Variants in TENM2 observed in about 807,000 individuals in gnomAD.
The protein encoded by TENM2 is teneurin transmembrane protein 2.
TENM2 carries 52 observed loss-of-function variants against 245.2 expected under a neutral mutation model. The observed-to-expected ratio is 0.21, with a 90% CI of 0.17 to 0.27. The LOEUF is 0.27. TENM2 is among the 10% of genes least tolerant of loss of function. TENM2 has a pLI of 1.00. For missense variants in TENM2, 3,046 were observed against 3,666.8 expected (o/e 0.83, Z 4.37); for synonymous variants, 1,363 against 1,438.9 (o/e 0.95, Z 1.19).
intron 1 of TENM2, among the ~76,000 whole-genome samples, chr5:167,339,601 T>C (rs1581782076): frequency 6.6e-6 from 1 of 151,294 alleles, no homozygotes; most frequent in African/African-American, 2.4e-5. Flanking sequence ...CTTTTTCAAT[T>C]CATTTTTTTT....
chr5:167,378,223 G>T (rs1331199625), intron 2 of TENM2, among the ~76,000 whole-genome samples: 1 of 152,084 alleles, frequency 6.6e-6, no homozygotes, highest in Non-Finnish European at 1.5e-5. Context: ...TATTCAGTCT[G>T]CAAAGTCATA....
chr5:167,113,267 AG>A, the TENM2 span, among the ~76,000 whole-genome samples: 6 of 152,160 alleles, frequency 3.9e-5, no homozygotes, highest in Non-Finnish European at 8.8e-5. Flanking sequence ...TCACATGTAA[AG>A]GCAATGACAG....
At chr5:167,288,696 C>T (rs114438326) in intron 1 of TENM2, among the ~76,000 whole-genome samples, 2,875 of 152,254 alleles carry the variant, frequency 0.019, 97 homozygotes, top group African/African-American at 0.065. Context: ...GATACTATCA[C>T]TCCCTTGTTT....
At chr5:167,284,570 G>T (rs1771227000), upstream of TENM2, among the ~76,000 whole-genome samples, 1 of 152,158 alleles carries the variant, frequency 6.6e-6, no homozygotes, top group Admixed American at 6.5e-5. Context: ...TAAACAGCAA[G>T]AAAATTAATT....
chr5:168,114,198 ATC>A (rs1794891119), intron 9 of TENM2, among the ~76,000 whole-genome samples: 4 of 152,282 alleles, frequency 2.6e-5, no homozygotes, highest in African/African-American at 9.6e-5. Context: ...GAACCCTTCC[ATC>A]AATGCTGAAA....
At chr5:167,139,019 C>A in the TENM2 span, among the ~76,000 whole-genome samples, 1 of 152,106 alleles carries the variant, frequency 6.6e-6, no homozygotes, top group African/African-American at 2.4e-5. Context: ...ATTTATATAC[C>A]CATGTAAGGG....
intron 28 of TENM2, among the ~76,000 whole-genome samples, chr5:168,261,035 T>C (rs1280928277): frequency 6.6e-6 from 1 of 152,182 alleles, no homozygotes; most frequent in Admixed American, 6.5e-5. Flanking sequence ...CTGCTCTGAA[T>C]AATTGTCCAG....
chr5:167,816,202 G>A (rs967952192), intron 2 of TENM2, among the ~76,000 whole-genome samples: 7 of 152,110 alleles, frequency 4.6e-5, no homozygotes, highest in Admixed American at 1.3e-4. Context: ...GAACAGAAGG[G>A]AGGGGAAGGT....
At chr5:167,589,944 C>T (rs536208825) in intron 2 of TENM2, among the ~76,000 whole-genome samples, 4 of 151,430 alleles carry the variant, frequency 2.6e-5, no homozygotes, top group African/African-American at 7.3e-5. Context: ...GAAATGCTAC[C>T]GTGAAAAGGT....
rs527910603 is a variant in TENM2 at position 167,925,279 on chromosome 5, G to A, written c.713-27309G>A. On this transcript the variant is annotated intron_variant, in intron 3 of 28. Transcript: ENST00000518659. The stretch of plus-strand genomic sequence containing the variant: ...AATGAAAGAAGTCAGACATAAAATA[G>A]TACTTGCTTATCATTCCATTTATAT... 3.9e-5 allele frequency among the ~76,000 whole-genome samples: 6 copies of A among 152,272 alleles called. No individual in the cohort carries two copies. The South Asian group carries it at 1.2e-3, about 32-fold the overall frequency.
chr5:167,520,674 T>C (rs1330592913), intron 2 of TENM2, among the ~76,000 whole-genome samples: 2 of 152,088 alleles, frequency 1.3e-5, no homozygotes, highest in African/African-American at 4.8e-5. Context: ...GTGCTTTGTC[T>C]GTGAAGTGTG....
At chr5:167,249,689 A>G in the TENM2 span, among the ~76,000 whole-genome samples, 2 of 152,172 alleles carry the variant, frequency 1.3e-5, no homozygotes, top group Non-Finnish European at 2.9e-5. Flanking sequence ...CTATGAAGTA[A>G]GAGTGTGTGC....
intron 2 of TENM2, among the ~76,000 whole-genome samples, chr5:167,759,098 T>C (rs1762494601): frequency 6.7e-6 from 1 of 148,972 alleles, no homozygotes; most frequent in African/African-American, 2.5e-5. Context: ...TTCTGACACA[T>C]ACTAGATTAC....
intron 1 of TENM2, among the ~76,000 whole-genome samples, chr5:167,327,914 A>G (rs1268560991): frequency 1.3e-5 from 2 of 152,104 alleles, no homozygotes; most frequent in Non-Finnish European, 2.9e-5. Context: ...GGGATAAGAG[A>G]TGATGTTTGT....
At chr5:168,256,656 C>T (rs1333086920) in intron 27 of TENM2, among the ~76,000 whole-genome samples, 3 of 151,984 alleles carry the variant, frequency 2.0e-5, no homozygotes, top group Admixed American at 1.3e-4. Flanking sequence ...AACTCCTGAC[C>T]GCAGGTGATC....
At chr5:167,730,582 C>T (rs967041071) in intron 2 of TENM2, among the ~76,000 whole-genome samples, 13 of 152,134 alleles carry the variant, frequency 8.5e-5, no homozygotes, top group Non-Finnish European at 2.9e-5. Context: ...CACTCTACTC[C>T]CCCGTCATCC....
chr5:168,112,487 G>A (rs192655848), intron 9 of TENM2, among the ~76,000 whole-genome samples: 77 of 151,498 alleles, frequency 5.1e-4, no homozygotes, highest in Non-Finnish European at 7.1e-4. Flanking sequence ...TTTTCTGTTC[G>A]TTAGTTTGCT....
intron 1 of TENM2, among the ~76,000 whole-genome samples, chr5:167,292,643 G>T (rs1382438628): frequency 6.6e-6 from 1 of 152,050 alleles, no homozygotes; most frequent in African/African-American, 2.4e-5. Flanking sequence ...ATATTTCAGG[G>T]GTTCCTAAAA....
At chr5:167,843,997 T>C (rs1769797464) in intron 2 of TENM2, among the ~76,000 whole-genome samples, 3 of 152,312 alleles carry the variant, frequency 2.0e-5, no homozygotes, top group South Asian at 4.1e-4. Flanking sequence ...TGGTGAGGCA[T>C]CTCTTTTGGC....
Sources: allele counts gnomAD v4.1 joint callset (sites outside exome capture counted in the v4.1 genomes callset), GRCh38; gene constraint gnomAD v4.1.1; transcripts MANE v1.5; gene names NCBI Gene and HGNC (gene_info 2026-07-23, HGNC 2026-07-21).